The following HDGFL2 variants were observed in gnomAD, a reference collection of about 807,000 sequenced individuals.
The protein encoded by HDGFL2 is hepatoma-derived growth factor-related protein 2.
Under a neutral mutation model 77.1 loss-of-function variants are expected in HDGFL2, and 36 were observed. That is an observed-to-expected ratio of 0.47 (90% CI 0.36 to 0.62). The LOEUF (loss-of-function observed/expected upper bound fraction) is 0.62, where lower values mean the gene tolerates loss of function less well. Among genes scored for constraint, HDGFL2 ranks in the 20% least tolerant of loss-of-function variants. The pLI is 0.00. For missense variants in HDGFL2, 976 were observed against 973.4 expected, an observed-to-expected ratio of 1.00 and a Z score of -0.04; for synonymous variants, 463 against 413.1, an observed-to-expected ratio of 1.12 and a Z score of -1.46.
At position 4,474,987 on chromosome 19, in the gene HDGFL2, C is replaced by G. The variant is rs1975034702; in HGVS notation, c.73-288C>G. 7.5e-6 allele frequency: 3 copies of G among 397,704 alleles called. No homozygotes were observed. The South Asian group carries it at 9.1e-5, about 12-fold the overall frequency. 24.6% of individuals were successfully genotyped at this position (397,704 alleles called of 1,614,324 possible). On this transcript the variant is annotated intron_variant, in intron 1 of 15. Transcript: ENST00000616600. Reference sequence around the variant, plus strand: ...GAGTCCATAGACGCTGAGCTTGGCCCCACCCCCTGGTTGCTTCAGAGGGCC... The same window carrying G: ...GAGTCCATAGACGCTGAGCTTGGCCGCACCCCCTGGTTGCTTCAGAGGGCC...
rs1437088748 is a variant in HDGFL2, at chr19:4,499,438, G to A, written c.1576-53G>A. On this transcript the variant is annotated intron_variant, in intron 13 of 15. Coordinates refer to ENST00000616600, the MANE Select transcript of HDGFL2 (RefSeq NM_001001520.3). Reference sequence around the variant, plus strand: ...TTGCTGGGGCGAGGGGTTCAGAGCCGGGGCTAGGGCCGCTGCACTTGGGTG... The same window carrying A: ...TTGCTGGGGCGAGGGGTTCAGAGCCAGGGCTAGGGCCGCTGCACTTGGGTG... 1.2e-5 allele frequency: 18 copies of A among 1,554,060 alleles called. No individual in the cohort carries two copies. The East Asian group carries it at 1.8e-4, about 16-fold the overall frequency.
chr19:4,473,890 C>T (rs1050661249), intron 1 of HDGFL2, among the ~76,000 whole-genome samples: 2 of 151,750 alleles, frequency 1.3e-5, no homozygotes, highest in African/African-American at 4.8e-5. Flanking sequence ...GGAGACAGGC[C>T]CGGGCCCAGG....
intron 9 of HDGFL2, 21 bp downstream of exon 9, chr19:4,494,496 G>T (rs1428375591): frequency 1.5e-6 from 2 of 1,366,362 alleles, no homozygotes; most frequent in African/African-American, 1.5e-5. Flanking sequence ...AGGGCGCCGG[G>T]AGTCCCTGCC....
rs771625969 is a variant in HDGFL2 at position 4,498,869 on chromosome 19, C to G, written c.1529C>G (p.Ser510Cys). 2 of 1,612,136 alleles carry G rather than the reference C, an allele frequency of 1.2e-6. No individual in the cohort carries two copies. The highest frequency in any genetic ancestry group is 3.3e-5 in the Admixed American group (2 of 59,772). Reference sequence around the variant, plus strand: ...GAGCTGGGAACCCTGCAGGTGACCTCTCAGATCCTCCAGAAGAACACAGAC... The same window carrying G: ...GAGCTGGGAACCCTGCAGGTGACCTGTCAGATCCTCCAGAAGAACACAGAC... ...LEELGTLQVT[S>C]QILQKNTDVV... The change falls in exon 13 of 16, where the codon TCT becomes TGT. Residue 510 changes from serine to cysteine, a missense_variant. Around this residue, in one of 5 missense-constraint regions of HDGFL2, gnomAD observed 46 missense variants for 81.3 expected, o/e 0.57. Coordinates refer to ENST00000616600, the MANE Select transcript of HDGFL2 (RefSeq NM_001001520.3).
chr19:4,474,714 C>T (rs1192304782), intron 1 of HDGFL2, among the ~76,000 whole-genome samples: 1 of 152,142 alleles, frequency 6.6e-6, no homozygotes, highest in African/African-American at 2.4e-5. Context: ...CCAGCCTGCT[C>T]TCCTAGCCCC....
chr19:4,497,867 C>A, intron 10 of HDGFL2, 91 bp from the exon 11 acceptor site: 1 of 1,144,948 alleles, frequency 8.7e-7, no homozygotes, highest in Non-Finnish European at 1.2e-6. Context: ...GTTTCCTTTG[C>A]AGTGGGTTTG....
At chr19:4,501,495 G>A in intron 15 of HDGFL2, 178 bp downstream of exon 15, 1 of 680,040 alleles carries the variant, frequency 1.5e-6, no homozygotes, top group Non-Finnish European at 2.3e-6. Flanking sequence ...GGCACTTCCG[G>A]CGGCCCCTAC....
chr19:4,473,176 G>C (rs1381674447), intron 1 of HDGFL2, among the ~76,000 whole-genome samples: 2 of 150,130 alleles, frequency 1.3e-5, no homozygotes, highest in African/African-American at 2.5e-5. Context: ...GGGGAATGGC[G>C]GTCCTGGACC....
chr19:4,483,437 G>GC (rs1284467314), intron 3 of HDGFL2, among the ~76,000 whole-genome samples: 50 of 152,226 alleles, frequency 3.3e-4, no homozygotes, highest in East Asian at 5.8e-4. Context: ...CCTCCTCCTG[G>GC]CCCCCCCTCT....
chr19:4,497,858 T>C (rs1215743898), intron 10 of HDGFL2, 100 bp from the exon 11 acceptor site: 2 of 1,067,402 alleles, frequency 1.9e-6, no homozygotes, highest in African/African-American at 1.6e-5. Context: ...CTCCCAAAGG[T>C]TTCCTTTGCA....
At chr19:4,484,471 C>G (rs930168221) in intron 3 of HDGFL2, among the ~76,000 whole-genome samples, 1 of 150,204 alleles carries the variant, frequency 6.7e-6, no homozygotes, top group Non-Finnish European at 1.5e-5. Flanking sequence ...CTAGTACATT[C>G]TCAGTGTACC....
intron 6 of HDGFL2, among the ~76,000 whole-genome samples, chr19:4,492,945 GT>G (rs1975569340): frequency 7.6e-6 from 1 of 131,156 alleles, no homozygotes; most frequent in African/African-American, 3.0e-5. Flanking sequence ...TGGTGTGTGT[GT>G]GTGGTGCGTG....
intron 3 of HDGFL2, among the ~76,000 whole-genome samples, chr19:4,482,279 G>A (rs940827335): frequency 3.3e-5 from 5 of 151,228 alleles, no homozygotes; most frequent in Admixed American, 1.3e-4. Flanking sequence ...GCATCATCTC[G>A]GCTCACTGCA....
chr19:4,495,159 G>A (rs11085078), intron 9 of HDGFL2, among the ~76,000 whole-genome samples: 89,603 of 151,516 alleles, frequency 0.59, 27,569 homozygotes, highest in Middle Eastern at 0.74. Flanking sequence ...AGGCCAAGGC[G>A]GGTGGATCAC....
At chr19:4,495,386 A>AAAAAAG (rs1905119541) in intron 9 of HDGFL2, among the ~76,000 whole-genome samples, 5 of 50,150 alleles carry the variant, frequency 1.0e-4, no homozygotes, top group Admixed American at 2.4e-4. Flanking sequence ...ACTCCATCTC[A>AAAAAAG]AAAAAAAAAA....
chr19:4,480,078 G>C (rs1049554365), intron 3 of HDGFL2, among the ~76,000 whole-genome samples: 5 of 152,156 alleles, frequency 3.3e-5, no homozygotes, highest in Admixed American at 3.3e-4. Context: ...GGCATTGCAG[G>C]GTGTTGAGCA....
rs541495031 is a variant in HDGFL2 at position 4,499,007 on chromosome 19, C to A, written c.1575+92C>A. On this transcript the variant is annotated intron_variant, in intron 13 of 15. Transcript: ENST00000616600. Reference sequence around the variant, plus strand: ...GCCCAGGCCCCCAGCAGGTTCCTGTCGGGACAGCCCTGGGTCAGCGAGGAG... The same window carrying A: ...GCCCAGGCCCCCAGCAGGTTCCTGTAGGGACAGCCCTGGGTCAGCGAGGAG... 1.0e-5 allele frequency: 9 copies of A among 865,056 alleles called. No homozygotes were observed. The African/African-American group carries it at 1.3e-4, about 13-fold the overall frequency. 53.6% of individuals were successfully genotyped at this position (865,056 alleles called of 1,614,324 possible). A position where few individuals can be genotyped will look rare whatever the true frequency, so the allele number is the denominator to read the frequency against.
At position 4,493,786 on chromosome 19, in the gene HDGFL2, GTCCTCCTCCTCCTCT is replaced by G. The variant is rs1568213975; in HGVS notation, c.777_791del (p.Ser260_Ser264del). On this transcript the variant is annotated inframe_deletion, in exon 7 of 16. Transcript: ENST00000616600. Reference sequence around the variant, plus strand: ...AGCCGGTGGCCATGGCGCGGTCGGCGTCCTCCTCCTCCTCTTCCTCCTCCTCCTCCGACTCCGATG... The same window carrying G: ...AGCCGGTGGCCATGGCGCGGTCGGCGTCCTCCTCCTCCTCCGACTCCGATG... 6 of 1,543,998 alleles carry G rather than the reference GTCCTCCTCCTCCTCT, an allele frequency of 3.9e-6. No individual in the cohort carries two copies. The highest frequency in any genetic ancestry group is 2.5e-5 in the East Asian group (1 of 40,568).
intron 3 of HDGFL2, among the ~76,000 whole-genome samples, chr19:4,486,645 C>G (rs1023477895): frequency 1.3e-5 from 2 of 152,052 alleles, no homozygotes; most frequent in Admixed American, 6.6e-5. Flanking sequence ...TGAGATCATC[C>G]TGGTCAACAT....
Sources: allele counts gnomAD v4.1 joint callset (sites outside exome capture counted in the v4.1 genomes callset), GRCh38; gene constraint gnomAD v4.1.1; regional missense constraint gnomAD v4.1.1; transcripts MANE v1.5; gene names NCBI Gene and HGNC (gene_info 2026-07-23, HGNC 2026-07-21).